The following THADA variants were observed in gnomAD, a reference collection of about 807,000 sequenced individuals.
THADA encodes the protein tRNA (32-2'-O)-methyltransferase regulator THADA.
In THADA, 213 loss-of-function variants were observed where a neutral mutation model predicts 219.8. That is an observed-to-expected ratio of 0.97 (90% CI 0.87 to 1.09). THADA has a LOEUF of 1.09. Among genes scored for constraint, THADA ranks in the 50% least tolerant of loss-of-function variants. The pLI is 0.00. For synonymous variants in THADA, 1,018 were observed against 828.9 expected, an observed-to-expected ratio of 1.23 and a Z score of -3.92; for missense variants, 2,956 against 2,311.3, an observed-to-expected ratio of 1.28 and a Z score of -5.72.
intron 26 of THADA, among the ~76,000 whole-genome samples, chr2:43,436,581 C>G (rs1399586571): frequency 6.6e-6 from 1 of 152,178 alleles, no homozygotes; most frequent in Non-Finnish European, 1.5e-5. Context: ...TTTCTGTAGC[C>G]ATAGCTCAAT....
intron 31 of THADA, among the ~76,000 whole-genome samples, chr2:43,301,677 T>G (rs920783733): frequency 1.4e-4 from 21 of 152,204 alleles, no homozygotes; most frequent in African/African-American, 4.6e-4. Flanking sequence ...GCACATTACA[T>G]TAATCTGAGA....
At chr2:43,469,892 G>C (rs944419711) in intron 26 of THADA, among the ~76,000 whole-genome samples, 4 of 152,184 alleles carry the variant, frequency 2.6e-5, no homozygotes, top group African/African-American at 9.7e-5. Flanking sequence ...TGAGTAGGAA[G>C]GTGACATGGG....
At chr2:43,593,292 A>G (rs1450134362) in intron 1 of THADA, among the ~76,000 whole-genome samples, 1 of 152,206 alleles carries the variant, frequency 6.6e-6, no homozygotes, top group Non-Finnish European at 1.5e-5. Context: ...AAAACACAGA[A>G]AGAGAGGCTG....
chr2:43,525,718 C>G (rs1188490431), intron 22 of THADA, among the ~76,000 whole-genome samples: 1 of 152,166 alleles, frequency 6.6e-6, no homozygotes, highest in Non-Finnish European at 1.5e-5. Context: ...CCCAGCTGAG[C>G]CCTGCCCAAA....
At chr2:43,587,042 T>G in intron 4 of THADA, 40 bp from the exon 5 acceptor site, 1 of 1,578,958 alleles carries the variant, frequency 6.3e-7, no homozygotes, top group Non-Finnish European at 8.6e-7. Context: ...GACAATCTAA[T>G]AGCCCCAGAA....
At chr2:43,428,350 G>A (rs1678774258) in intron 27 of THADA, 119 bp from the exon 28 acceptor site, 2 of 978,890 alleles carry the variant, frequency 2.0e-6, no homozygotes, top group Non-Finnish European at 2.9e-6. Context: ...ACTAATGCCT[G>A]TAATCCCAGC....
intron 26 of THADA, among the ~76,000 whole-genome samples, chr2:43,483,189 C>T (rs1409218587): frequency 1.3e-5 from 2 of 152,098 alleles, no homozygotes; most frequent in Non-Finnish European, 1.5e-5. Context: ...GTTAGTTATC[C>T]GGTGGATAAG....
At chr2:43,475,938 A>C (rs928010368) in intron 26 of THADA, among the ~76,000 whole-genome samples, 23 of 152,252 alleles carry the variant, frequency 1.5e-4, no homozygotes, top group African/African-American at 4.8e-4. Flanking sequence ...GATAGCCTAG[A>C]AGAATGTAGT....
At chr2:43,375,907 T>C (rs954752468) in intron 29 of THADA, among the ~76,000 whole-genome samples, 1 of 152,158 alleles carries the variant, frequency 6.6e-6, no homozygotes, top group African/African-American at 2.4e-5. Flanking sequence ...TGCAAAAGCA[T>C]TTTGCAAGAG....
At chr2:43,358,443 G>GA (rs1413152556) in intron 29 of THADA, among the ~76,000 whole-genome samples, 1 of 152,140 alleles carries the variant, frequency 6.6e-6, no homozygotes, top group Non-Finnish European at 1.5e-5. Flanking sequence ...CAGGTCAGAG[G>GA]AGAAACCCAC....
intron 29 of THADA, among the ~76,000 whole-genome samples, chr2:43,358,099 G>T (rs139725817): frequency 2.6e-4 from 40 of 152,086 alleles, no homozygotes; most frequent in Non-Finnish European, 4.7e-4. Flanking sequence ...TTCTACACAC[G>T]TCCACTTGGT....
chr2:43,362,826 A>T (rs1669685603), intron 29 of THADA, among the ~76,000 whole-genome samples: 1 of 152,192 alleles, frequency 6.6e-6, no homozygotes, highest in African/African-American at 2.4e-5. Context: ...ATAAAAAATA[A>T]TTTCTTTATA....
intron 29 of THADA, among the ~76,000 whole-genome samples, chr2:43,366,043 A>C (rs1670110600): frequency 6.6e-6 from 1 of 152,198 alleles, no homozygotes; most frequent in African/African-American, 2.4e-5. Flanking sequence ...AATTATGTTG[A>C]GCATAGAGAT....
chr2:43,519,020 A>G (rs1031196841), intron 22 of THADA, among the ~76,000 whole-genome samples: 2 of 151,572 alleles, frequency 1.3e-5, no homozygotes, highest in African/African-American at 4.8e-5. Context: ...CCCTCCCATC[A>G]TGCCCTCCTG....
chr2:43,270,908 C>G (rs1359391171), intron 36 of THADA, among the ~76,000 whole-genome samples: 1 of 152,134 alleles, frequency 6.6e-6, no homozygotes. Context: ...AAGTATCTCA[C>G]AGTGTTGTGA....
intron 22 of THADA, among the ~76,000 whole-genome samples, chr2:43,515,284 TATATATA>T (rs1171381963): frequency 5.2e-4 from 3 of 5,744 alleles, no homozygotes; most frequent in East Asian, 5.5e-3. Context: ...TATAATATAT[TATATATA>T]ATATATAATA....
chr2:43,365,854 G>C (rs1670082295), intron 29 of THADA, among the ~76,000 whole-genome samples: 1 of 152,106 alleles, frequency 6.6e-6, no homozygotes, highest in African/African-American at 2.4e-5. Flanking sequence ...AAAATTAAGA[G>C]TTTATAATTG....
chr2:43,494,387 C>A (rs1333303395), intron 25 of THADA, among the ~76,000 whole-genome samples: 1 of 152,150 alleles, frequency 6.6e-6, no homozygotes, highest in African/African-American at 2.4e-5. Flanking sequence ...AATGTTAGGA[C>A]CCGGGCTTTA....
At chr2:43,344,796 C>T (rs778727500) in intron 29 of THADA, among the ~76,000 whole-genome samples, 1 of 148,602 alleles carries the variant, frequency 6.7e-6, no homozygotes, top group Non-Finnish European at 1.5e-5. Context: ...ATCTTCCCTT[C>T]GATGTCAGGA....
Sources: gnomAD v4.1 joint callset for allele counts (sites outside exome capture counted in the v4.1 genomes callset) on GRCh38, gnomAD v4.1.1 for gene constraint, MANE v1.5 for transcripts, NCBI Gene and HGNC (gene_info 2026-07-23, HGNC 2026-07-21) for gene names.